SYT1: variants seen among roughly 807,000 people sequenced by gnomAD.
SYT1 encodes synaptotagmin 1.
SYT1 carries 8 observed loss-of-function variants against 44.8 expected under a neutral mutation model. The observed-to-expected ratio is 0.18, with a 90% confidence interval of 0.10 to 0.32. The LOEUF (loss-of-function observed/expected upper bound fraction) is 0.32. SYT1 is among the 10% of genes least tolerant of loss of function. The pLI, the probability that SYT1 is intolerant of heterozygous loss-of-function variation, is 1.00. For missense variants in SYT1, 286 were observed against 509.3 expected (o/e 0.56, Z 4.22); for synonymous variants, 154 against 188.8 (o/e 0.82, Z 1.51).
intron 8 of SYT1, among the ~76,000 whole-genome samples, chr12:79,341,660 CTTTTTTTTTTTTT>C (rs34759181): frequency 9.5e-5 from 6 of 63,042 alleles, no homozygotes; most frequent in African/African-American, 2.9e-4. Context: ...TACATTCATT[CTTTTTTTTTTTTT>C]TTTTTTTTTT....
At chr12:78,885,706 G>A (rs1205186864) in intron 1 of SYT1, among the ~76,000 whole-genome samples, 1 of 151,972 alleles carries the variant, frequency 6.6e-6, no homozygotes, top group Non-Finnish European at 1.5e-5. Context: ...GGAACACAGG[G>A]CCAGATGGTG....
At chr12:79,140,438 G>A (rs931237311) in intron 3 of SYT1, among the ~76,000 whole-genome samples, 13 of 152,082 alleles carry the variant, frequency 8.5e-5, no homozygotes, top group Non-Finnish European at 1.2e-4. Context: ...GGTGCTTTCC[G>A]TATATAGTGT....
intron 3 of SYT1, among the ~76,000 whole-genome samples, chr12:79,067,617 T>A (rs781307997): frequency 3.3e-5 from 5 of 152,174 alleles, no homozygotes; most frequent in Non-Finnish European, 5.9e-5. Flanking sequence ...CTAATGCAAG[T>A]GAGGCCAAGC....
chr12:79,401,243 A>T (rs1283244034), intron 9 of SYT1, among the ~76,000 whole-genome samples: 6 of 152,154 alleles, frequency 3.9e-5, no homozygotes, highest in Admixed American at 1.3e-4. Flanking sequence ...AGAAAGTACC[A>T]TAAGGCCAGG....
At chr12:79,309,967 G>A (rs1245772) in intron 8 of SYT1, among the ~76,000 whole-genome samples, 9,560 of 152,028 alleles carry the variant, frequency 0.063, 888 homozygotes, top group African/African-American at 0.2. Flanking sequence ...TTTGTAGGTT[G>A]CCTGTTCACT....
intron 3 of SYT1, among the ~76,000 whole-genome samples, chr12:79,119,211 C>T (rs1879459534): frequency 6.6e-6 from 1 of 152,192 alleles, no homozygotes. Context: ...TTAACAGGTC[C>T]TCCTGCCTTC....
intron 9 of SYT1, among the ~76,000 whole-genome samples, chr12:79,402,618 A>T (rs996935080): frequency 2.6e-5 from 4 of 152,332 alleles, no homozygotes; most frequent in African/African-American, 4.8e-5. Context: ...CAACAAAAGA[A>T]GAAAAGAGAG....
At chr12:79,294,237 C>G (rs1042818866) in intron 6 of SYT1, among the ~76,000 whole-genome samples, 5 of 151,774 alleles carry the variant, frequency 3.3e-5, no homozygotes, top group African/African-American at 1.2e-4. Flanking sequence ...AATTTTTTTA[C>G]TAAAATATAG....
intron 3 of SYT1, among the ~76,000 whole-genome samples, chr12:79,216,486 A>C (rs1874814750): frequency 6.6e-6 from 1 of 152,176 alleles, no homozygotes; most frequent in Non-Finnish European, 1.5e-5. Context: ...CTACTCCCTT[A>C]GAATACCTTC....
chr12:79,362,025 T>A (rs922408228), intron 9 of SYT1, among the ~76,000 whole-genome samples: 3 of 152,144 alleles, frequency 2.0e-5, no homozygotes, highest in African/African-American at 7.2e-5. Context: ...ATTAAAGAAA[T>A]TTGAATTGCA....
At chr12:78,871,627 C>T (rs1462916) in intron 1 of SYT1, among the ~76,000 whole-genome samples, 100,441 of 151,756 alleles carry the variant, frequency 0.66, 33,369 homozygotes, top group Admixed American at 0.7. Context: ...CATTAAGGGA[C>T]AGTTGAGCTC....
intron 4 of SYT1, among the ~76,000 whole-genome samples, chr12:79,254,339 G>A (rs1340315898): frequency 6.6e-6 from 1 of 152,146 alleles, no homozygotes; most frequent in African/African-American, 2.4e-5. Context: ...CTGGATGGCA[G>A]CATATCTGTT....
chr12:78,972,186 T>C (rs1868427906), intron 1 of SYT1, among the ~76,000 whole-genome samples: 1 of 152,098 alleles, frequency 6.6e-6, no homozygotes, highest in Admixed American at 6.5e-5. Flanking sequence ...AAACTAAGAT[T>C]CTTCTTATGT....
intron 2 of SYT1, among the ~76,000 whole-genome samples, chr12:78,978,767 T>C (rs1241540400): frequency 6.6e-6 from 1 of 152,212 alleles, no homozygotes; most frequent in Non-Finnish European, 1.5e-5. Context: ...AGAAATAGTG[T>C]TACAGTGTGA....
At chr12:79,441,519 T>G (rs139201046) in intron 9 of SYT1, among the ~76,000 whole-genome samples, 540 of 152,284 alleles carry the variant, frequency 3.5e-3, no homozygotes, top group African/African-American at 0.012. Flanking sequence ...CTCACCATGT[T>G]AGTCAGGCTG....
At chr12:79,169,332 T>C (rs996267782) in intron 3 of SYT1, among the ~76,000 whole-genome samples, 2 of 150,894 alleles carry the variant, frequency 1.3e-5, no homozygotes, top group African/African-American at 4.8e-5. Context: ...TTATAAAATA[T>C]ATACATGCAT....
chr12:78,895,995 C>T (rs1255361350), intron 1 of SYT1, among the ~76,000 whole-genome samples: 1 of 151,748 alleles, frequency 6.6e-6, no homozygotes, highest in East Asian at 1.9e-4. Context: ...CAAATGTAAA[C>T]TGAGAATAAT....
chr12:79,332,898 C>T (rs1424365346), intron 8 of SYT1, among the ~76,000 whole-genome samples: 1 of 152,144 alleles, frequency 6.6e-6, no homozygotes, highest in African/African-American at 2.4e-5. Context: ...GATTTTGTTT[C>T]TATTACCCAC....
At position 79,217,701 on chromosome 12, in the gene SYT1, T is replaced by C. The variant is rs780387693; in HGVS notation, c.166+16T>C. ...AAAATTCCATGTGAGTATTCTATATTAGTACTTGAGTAAAAATAAGTGGTT... is the reference window on the plus strand; with the variant it reads ...AAAATTCCATGTGAGTATTCTATATCAGTACTTGAGTAAAAATAAGTGGTT... On this transcript the variant is annotated intron_variant, in intron 4 of 10. Transcript: ENST00000261205. 179 of 1,593,124 alleles carry C rather than the reference T, an allele frequency of 1.1e-4. 1 individual carries two copies. In the South Asian group the frequency reaches 2.0e-3, roughly 17 times the overall value.
Sources: allele counts gnomAD v4.1 joint callset (sites outside exome capture counted in the v4.1 genomes callset), GRCh38; gene constraint gnomAD v4.1.1; transcripts MANE v1.5; gene names NCBI Gene and HGNC (gene_info 2026-07-23, HGNC 2026-07-21).